The following LSAMP variants were observed in gnomAD, a reference collection of about 807,000 sequenced individuals.
LSAMP encodes the protein limbic system associated membrane protein.
LSAMP carries 7 observed loss-of-function variants against 38.6 expected under a neutral mutation model. That is an observed-to-expected ratio of 0.18 (90% CI 0.10 to 0.34). The LOEUF (loss-of-function observed/expected upper bound fraction) is 0.34. Among genes scored for constraint, LSAMP ranks in the 10% least tolerant of loss-of-function variants. The probability of loss-of-function intolerance (pLI) is 1.00; values close to 1 mark genes in which losing one functional copy is unlikely to be tolerated. For missense variants in LSAMP, 313 were observed against 420.0 expected (o/e 0.75, Z 2.23); for synonymous variants, 154 against 166.8 (o/e 0.92, Z 0.59).
chr3:116,134,131 T>C (rs1256221941), intron 1 of LSAMP, among the ~76,000 whole-genome samples: 1 of 152,172 alleles, frequency 6.6e-6, no homozygotes, highest in Admixed American at 6.6e-5. Context: ...ACAGGAGTTA[T>C]TATTGGTTTA....
At chr3:115,835,885 A>G (rs1165514207) in intron 6 of LSAMP, among the ~76,000 whole-genome samples, 1 of 152,240 alleles carries the variant, frequency 6.6e-6, no homozygotes, top group Non-Finnish European at 1.5e-5. Context: ...TCAAGTAGAA[A>G]AATGGTTTAA....
intron 1 of LSAMP, among the ~76,000 whole-genome samples, chr3:116,288,123 T>A (rs2047216672): frequency 1.3e-5 from 2 of 152,202 alleles, no homozygotes; most frequent in Admixed American, 1.3e-4. Context: ...GATCCTGGTG[T>A]CTTCAGTGTT....
intron 1 of LSAMP, among the ~76,000 whole-genome samples, chr3:116,290,143 T>C (rs2047245063): frequency 6.6e-6 from 1 of 152,172 alleles, no homozygotes; most frequent in South Asian, 2.1e-4. Context: ...TGAGTGGGTA[T>C]ACAACTCCCT....
intron 3 of LSAMP, among the ~76,000 whole-genome samples, chr3:115,945,996 C>A (rs765583910): frequency 6.6e-6 from 1 of 152,088 alleles, no homozygotes; most frequent in Non-Finnish European, 1.5e-5. Flanking sequence ...AATAGAGCAT[C>A]CCTTGAAAAC....
intron 3 of LSAMP, among the ~76,000 whole-genome samples, chr3:115,872,193 T>G (rs1249935955): frequency 6.6e-6 from 1 of 152,122 alleles, no homozygotes; most frequent in African/African-American, 2.4e-5. Flanking sequence ...AGTGATAAAA[T>G]GCATAACTCT....
intron 3 of LSAMP, 63 bp from the exon 4 acceptor site, chr3:115,852,680 T>C (rs1284219416): frequency 7.0e-7 from 1 of 1,423,624 alleles, no homozygotes; most frequent in South Asian, 1.4e-5. Flanking sequence ...GATCCTCTCA[T>C]TATTCTTTTT....
chr3:116,138,272 C>T (rs1576387256), intron 1 of LSAMP, among the ~76,000 whole-genome samples: 1 of 152,072 alleles, frequency 6.6e-6, no homozygotes, highest in Admixed American at 6.6e-5. Context: ...TCCTATTCTA[C>T]ACAACTTGTG....
chr3:116,304,766 GGC>G (rs2047459677), intron 1 of LSAMP, among the ~76,000 whole-genome samples: 1 of 152,048 alleles, frequency 6.6e-6, no homozygotes, highest in Admixed American at 6.6e-5. Context: ...CTTAAACTAA[GGC>G]CATGGTGCTG....
intron 1 of LSAMP, among the ~76,000 whole-genome samples, chr3:116,095,920 G>A (rs1455535289): frequency 2.0e-5 from 3 of 152,172 alleles, no homozygotes; most frequent in African/African-American, 7.2e-5. Context: ...AGGCAGCGTG[G>A]TGGGGTGGCG....
At chr3:116,229,946 T>C (rs1205274070) in intron 1 of LSAMP, among the ~76,000 whole-genome samples, 4 of 152,188 alleles carry the variant, frequency 2.6e-5, no homozygotes, top group Non-Finnish European at 4.4e-5. Context: ...TGGAAGATTA[T>C]ACATTTGGCA....
intron 1 of LSAMP, among the ~76,000 whole-genome samples, chr3:116,217,213 T>A (rs1337987664): frequency 6.6e-6 from 1 of 152,182 alleles, no homozygotes; most frequent in East Asian, 1.9e-4. Context: ...AACACTTTAA[T>A]ATCAAGTCTC....
chr3:116,299,320 C>T (rs1238954048), intron 1 of LSAMP, among the ~76,000 whole-genome samples: 3 of 152,154 alleles, frequency 2.0e-5, no homozygotes, highest in Non-Finnish European at 1.5e-5. Context: ...GTCTCACGTA[C>T]TGGAAACAGG....
intron 4 of LSAMP, among the ~76,000 whole-genome samples, chr3:115,845,569 G>A (rs1431281758): frequency 8.5e-6 from 1 of 118,104 alleles, no homozygotes; most frequent in South Asian, 2.3e-4. Flanking sequence ...GGTAGCAGAG[G>A]TTCTCCTCTT....
At chr3:115,820,345 A>G (rs763102738) in intron 6 of LSAMP, among the ~76,000 whole-genome samples, 5 of 152,190 alleles carry the variant, frequency 3.3e-5, no homozygotes, top group Non-Finnish European at 7.4e-5. Context: ...GGTACAAGGT[A>G]TAATAGAGAA....
intron 6 of LSAMP, among the ~76,000 whole-genome samples, chr3:115,829,282 T>C (rs1468446732): frequency 6.6e-6 from 1 of 152,116 alleles, no homozygotes; most frequent in South Asian, 2.1e-4. Flanking sequence ...GAGTGAACCA[T>C]TGATTCCACA....
intron 3 of LSAMP, among the ~76,000 whole-genome samples, chr3:115,996,778 C>G (rs79578164): frequency 6.6e-6 from 1 of 152,164 alleles, no homozygotes; most frequent in East Asian, 1.9e-4. Flanking sequence ...ATTTCCTCCC[C>G]TCCTCTCAGG....
intron 6 of LSAMP, among the ~76,000 whole-genome samples, chr3:115,832,853 T>A (rs568281854): frequency 6.6e-6 from 1 of 152,290 alleles, no homozygotes; most frequent in Admixed American, 6.5e-5. Flanking sequence ...GTTCAGTTTG[T>A]GGGAAATATG....
chr3:116,073,433 T>C (rs1559732045), intron 2 of LSAMP, among the ~76,000 whole-genome samples: 1 of 152,146 alleles, frequency 6.6e-6, no homozygotes, highest in Non-Finnish European at 1.5e-5. Flanking sequence ...TTTAAAATAG[T>C]TTTTTTCTAA....
intron 3 of LSAMP, among the ~76,000 whole-genome samples, chr3:115,965,851 GAT>G (rs1324166411): frequency 1.3e-5 from 2 of 152,122 alleles, no homozygotes. Flanking sequence ...TTAAAAGGCT[GAT>G]AGTTTTGAGT....
Sources: gnomAD v4.1 joint callset for allele counts (sites outside exome capture counted in the v4.1 genomes callset) on GRCh38, gnomAD v4.1.1 for gene constraint, MANE v1.5 for transcripts, NCBI Gene and HGNC (gene_info 2026-07-23, HGNC 2026-07-21) for gene names.